Variants in RAP1B observed in about 807,000 individuals in gnomAD.
The protein encoded by RAP1B is RAP1B, member of RAS oncogene family.
Under a neutral mutation model 27.5 loss-of-function variants are expected in RAP1B, and 1 was observed. That is an observed-to-expected ratio of 0.04 (90% CI 0.01 to 0.17). The LOEUF is 0.17. Among genes scored for constraint, RAP1B ranks in the 10% least tolerant of loss-of-function variants. The pLI, the probability that RAP1B is intolerant of heterozygous loss-of-function variation, is 1.00. For synonymous variants in RAP1B, 75 were observed against 73.1 expected (o/e 1.03, Z -0.13); for missense variants, 84 against 214.8 (o/e 0.39, Z 3.81).
rs966226853 is a variant in RAP1B, at chr12:68,654,355, G to GT, written c.324+103_324+104insT. ...TTAAAGCTTGTGTATTTTGGTTGGG[G>GT]GGGGGGTGTTGGTTTTTTTAAACTT... On this transcript the variant is annotated intron_variant, in intron 5 of 7. Coordinates refer to ENST00000250559, the MANE Select transcript of RAP1B (RefSeq NM_001010942.3). The GT allele has an allele frequency of 2.4e-5, 11 of 464,108 alleles. 3 individuals are homozygous for GT. The highest frequency in any genetic ancestry group is 2.6e-5 in the Non-Finnish European group (8 of 308,494). The allele number at this position is 464,108 out of a possible 1,614,324, so 28.7% of individuals were successfully genotyped here. A position where few individuals can be genotyped will look rare whatever the true frequency, so the allele number is the denominator to read the frequency against.
chr12:68,647,403 C>CG (rs1565670556), intron 1 of RAP1B, among the ~76,000 whole-genome samples: 2 of 71,924 alleles, frequency 2.8e-5, no homozygotes, highest in Non-Finnish European at 6.3e-5. Context: ...CCCCCCCCCC[C>CG]CAAAAAAGGG....
In RAP1B at chr12:68,660,894, G is replaced by T. The variant is rs148958500; in HGVS notation, c.*1645G>T. ...GGATTTTTTAAAATACAGGATTGAA[G>T]TTAGAATATTGTGGTTATAAAAATC... On this transcript the variant is annotated 3_prime_UTR_variant, in exon 8 of 8. Coordinates refer to ENST00000250559, the MANE Select transcript of RAP1B (RefSeq NM_001010942.3). The T allele has an allele frequency of 6.6e-6, 1 of 152,282 alleles. No individual in the cohort carries two copies. Among genetic ancestry groups the T allele is most frequent in the Middle Eastern group, 3.4e-3 (1 of 294 alleles). The allele number at this position is 152,282 out of a possible 1,614,324, so 9.4% of individuals were successfully genotyped here. A position where few individuals can be genotyped will look rare whatever the true frequency, so the allele number is the denominator to read the frequency against.
rs1875045079 is a variant in RAP1B at position 68,670,541 on chromosome 12, T to C, written c.*11292T>C. On this transcript the variant is annotated 3_prime_UTR_variant, in exon 8 of 8. Transcript: ENST00000250559. Reference sequence around the variant, plus strand: ...CACACAGATGCTTCTCAGCTTACAATGGGGTTATGTCCCAATAAGCCCATC... The same window carrying C: ...CACACAGATGCTTCTCAGCTTACAACGGGGTTATGTCCCAATAAGCCCATC... 1 of 152,176 alleles carries C rather than the reference T, an allele frequency of 6.6e-6. No homozygotes were observed. Among genetic ancestry groups the C allele is most frequent in the Non-Finnish European group, 1.5e-5 (1 of 68,034 alleles). 9.4% of individuals were successfully genotyped at this position (152,176 alleles called of 1,614,324 possible).
chr12:68,620,443 G>A (rs959269103), intron 1 of RAP1B, among the ~76,000 whole-genome samples: 21 of 151,696 alleles, frequency 1.4e-4, no homozygotes, highest in African/African-American at 4.8e-4. Flanking sequence ...GGCTGGTCCC[G>A]AACTCCTGAC....
chr12:68,637,069 T>TA (rs1353985261), intron 1 of RAP1B, among the ~76,000 whole-genome samples: 2 of 152,208 alleles, frequency 1.3e-5, no homozygotes, highest in Admixed American at 6.5e-5. Context: ...AAAGATAACT[T>TA]ACTACTCTTC....
intron 7 of RAP1B, 108 bp downstream of exon 7, chr12:68,657,325 G>C: frequency 1.5e-6 from 1 of 656,236 alleles, no homozygotes; most frequent in Non-Finnish European, 2.6e-6. Context: ...AAAAATAAAT[G>C]GTTTATTTTT....
intron 1 of RAP1B, among the ~76,000 whole-genome samples, chr12:68,622,706 C>G (rs1871470327): frequency 6.6e-6 from 1 of 152,214 alleles, no homozygotes; most frequent in East Asian, 1.9e-4. Flanking sequence ...TAAACTGTTT[C>G]AGGACAGGAA....
intron 1 of RAP1B, chr12:68,627,502 C>T (rs111523595): frequency 3.2e-4 from 82 of 256,936 alleles, no homozygotes; most frequent in African/African-American, 1.2e-3. Context: ...TTAGGTCTCC[C>T]GGGCTTCTGG....
chr12:68,627,008 C>G, intron 1 of RAP1B: 1 of 1,570,138 alleles, frequency 6.4e-7, no homozygotes, highest in South Asian at 1.1e-5. Context: ...AGCCCCACTT[C>G]TTTGAGATGT....
chr12:68,630,095 A>G (rs1165003469), intron 1 of RAP1B, among the ~76,000 whole-genome samples: 1 of 152,180 alleles, frequency 6.6e-6, no homozygotes, highest in Non-Finnish European at 1.5e-5. Context: ...ATCATTCTCA[A>G]CACTGCACTT....
chr12:68,616,634 A>T (rs1173303341), intron 1 of RAP1B, among the ~76,000 whole-genome samples: 1 of 151,524 alleles, frequency 6.6e-6, no homozygotes, highest in Non-Finnish European at 1.5e-5. Flanking sequence ...GGATTTCACC[A>T]TATTGGTCAG....
intron 1 of RAP1B, among the ~76,000 whole-genome samples, chr12:68,640,191 G>C (rs1447242809): frequency 6.6e-6 from 1 of 151,984 alleles, no homozygotes; most frequent in Non-Finnish European, 1.5e-5. Flanking sequence ...GTAGTCTTTT[G>C]TTAAAAACAA....
intron 1 of RAP1B, among the ~76,000 whole-genome samples, chr12:68,635,983 A>T (rs1199426168): frequency 6.6e-6 from 1 of 151,656 alleles, no homozygotes; most frequent in African/African-American, 2.4e-5. Context: ...GATTCAAGCG[A>T]TTCTCCTGCC....
intron 5 of RAP1B, among the ~76,000 whole-genome samples, chr12:68,655,544 T>C (rs968733941): frequency 5.3e-5 from 8 of 150,600 alleles, no homozygotes; most frequent in African/African-American, 1.9e-4. Context: ...GCTTTTTTTT[T>C]TTTTTTTTTG....
At chr12:68,621,741 T>C (rs1355804441) in intron 1 of RAP1B, among the ~76,000 whole-genome samples, 1 of 152,238 alleles carries the variant, frequency 6.6e-6, no homozygotes, top group African/African-American at 2.4e-5. Context: ...TGTGATGCTT[T>C]AGTGGTTGAT....
chr12:68,620,538 T>G (rs1365717140), intron 1 of RAP1B, among the ~76,000 whole-genome samples: 1 of 152,136 alleles, frequency 6.6e-6, no homozygotes, highest in African/African-American at 2.4e-5. Flanking sequence ...TTTAAAAACA[T>G]TTGTAGCAAT....
At chr12:68,612,758 G>A (rs1052516223) in intron 1 of RAP1B, among the ~76,000 whole-genome samples, 2 of 152,186 alleles carry the variant, frequency 1.3e-5, no homozygotes, top group Admixed American at 6.5e-5. Flanking sequence ...CTGAATGATA[G>A]TCTTATTTGA....
At chr12:68,648,247 C>T (rs1415892172) in intron 1 of RAP1B, among the ~76,000 whole-genome samples, 1 of 152,194 alleles carries the variant, frequency 6.6e-6, no homozygotes, top group African/African-American at 2.4e-5. Flanking sequence ...GTACGTTCCC[C>T]ACTTTAGGAA....
At chr12:68,649,175 C>T (rs901691214) in intron 2 of RAP1B, 1 of 160,582 alleles carries the variant, frequency 6.2e-6, no homozygotes, top group Non-Finnish European at 1.4e-5. Context: ...CTCCTGAATG[C>T]TTGGGACTAC....
Sources: allele counts gnomAD v4.1 joint callset (sites outside exome capture counted in the v4.1 genomes callset), GRCh38; gene constraint gnomAD v4.1.1; transcripts MANE v1.5; gene names NCBI Gene and HGNC (gene_info 2026-07-23, HGNC 2026-07-21).